Variants in SLC5A9 observed in about 807,000 individuals in gnomAD.
The protein encoded by SLC5A9 is sodium/glucose cotransporter 4.
SLC5A9 carries 59 observed loss-of-function variants against 70.9 expected under a neutral mutation model. The ratio of observed to expected loss-of-function variants is 0.83; its 90% CI spans 0.68 to 1.03. The LOEUF is 1.03. SLC5A9 is among the 50% of genes least tolerant of loss of function. SLC5A9 has a pLI of 0.00. For missense variants in SLC5A9, 832 were observed against 881.1 expected (o/e 0.94, Z 0.71); for synonymous variants, 340 against 346.5 (o/e 0.98, Z 0.21).
chr1:48,247,327 C>T lies in SLC5A9; in HGVS notation c.1838-8C>T, dbSNP rs1487369191. The T allele has an allele frequency of 6.2e-7, 1 of 1,612,874 alleles. No individual in the cohort carries two copies. Among genetic ancestry groups the T allele is most frequent in the Non-Finnish European group, 8.5e-7 (1 of 1,179,130 alleles). ...GCTCTCCTTTGTCTTCTGGCTTTGT[C>T]CCTCCAGCCCCAAGCAGGTCCTGGG... On this transcript the variant is annotated splice_region_variant and splice_polypyrimidine_tract_variant and intron_variant, in intron 13 of 13. Coordinates refer to ENST00000438567, the MANE Select transcript of SLC5A9 (RefSeq NM_001011547.3).
chr1:48,223,760 C>A (rs547906441), intron 1 of SLC5A9, among the ~76,000 whole-genome samples: 2 of 152,264 alleles, frequency 1.3e-5, no homozygotes, highest in East Asian at 3.9e-4. Flanking sequence ...ACAGTCCCTG[C>A]CTTCTAGTGC....
At chr1:48,225,547 C>T (rs1468145973) in intron 2 of SLC5A9, among the ~76,000 whole-genome samples, 2 of 152,128 alleles carry the variant, frequency 1.3e-5, no homozygotes, top group Non-Finnish European at 2.9e-5. Context: ...CCAGTAGAGT[C>T]ATCAGCCCCA....
intron 9 of SLC5A9, among the ~76,000 whole-genome samples, chr1:48,234,655 T>C (rs1644302290): frequency 6.6e-6 from 1 of 152,090 alleles, no homozygotes; most frequent in Non-Finnish European, 1.5e-5. Flanking sequence ...CTTATAATAA[T>C]ATTGAGATTA....
intron 7 of SLC5A9, 82 bp from the exon 8 acceptor site, chr1:48,232,285 C>A: frequency 6.4e-6 from 10 of 1,572,542 alleles, no homozygotes; most frequent in South Asian, 1.2e-5. Flanking sequence ...GGGACACAGT[C>A]ATGCCCAGTG....
chr1:48,227,686 A>T (rs1213604712), intron 2 of SLC5A9, among the ~76,000 whole-genome samples: 1 of 152,080 alleles, frequency 6.6e-6, no homozygotes, highest in Non-Finnish European at 1.5e-5. Flanking sequence ...GCATGTGCAC[A>T]TGTCAGAGGC....
At chr1:48,222,973 G>C in intron 1 of SLC5A9, 75 bp downstream of exon 1, 3 of 1,507,554 alleles carry the variant, frequency 2.0e-6, no homozygotes, top group Non-Finnish European at 2.7e-6. Context: ...CTGTGGAGCT[G>C]GGGCAGGGCT....
intron 8 of SLC5A9, 125 bp downstream of exon 8, chr1:48,232,627 AATAC>A: frequency 7.9e-7 from 1 of 1,273,686 alleles, no homozygotes; most frequent in Non-Finnish European, 1.1e-6. Context: ...GTCTATTAAG[AATAC>A]ATAGCCGGTC....
chr1:48,241,637 G>A (rs1412046644), intron 12 of SLC5A9, among the ~76,000 whole-genome samples: 2 of 152,088 alleles, frequency 1.3e-5, no homozygotes, highest in African/African-American at 4.8e-5. Flanking sequence ...CTCCTCACCT[G>A]AACATCTCCA....
At chr1:48,224,662 G>T in intron 1 of SLC5A9, 62 bp from the exon 2 acceptor site, 1 of 1,543,920 alleles carries the variant, frequency 6.5e-7, no homozygotes, top group Admixed American at 1.7e-5. Context: ...TCTGCGGGGA[G>T]GGGGCAGGGC....
chr1:48,231,703 G>T lies in SLC5A9; in HGVS notation c.691+78G>T. The T allele has an allele frequency of 1.9e-6, 3 of 1,568,522 alleles. No homozygotes were observed. The South Asian group carries it at 3.6e-5, about 19-fold the overall frequency. On this transcript the variant is annotated intron_variant, in intron 6 of 13. Coordinates refer to ENST00000438567, the MANE Select transcript of SLC5A9 (RefSeq NM_001011547.3). ...CCTGTCTCTGCCACCTCCACAGTTC[G>T]ATTGAAACTTTCCAGTGCATAGAGC...
chr1:48,224,909 C>G, intron 2 of SLC5A9, 114 bp downstream of exon 2: 1 of 1,051,096 alleles, frequency 9.5e-7, no homozygotes, highest in Admixed American at 1.9e-5. Context: ...AAGACCTCCC[C>G]GTTGTGTTTC....
chr1:48,237,208 G>A (rs1644338613), intron 10 of SLC5A9, among the ~76,000 whole-genome samples: 1 of 152,012 alleles, frequency 6.6e-6, no homozygotes, highest in Non-Finnish European at 1.5e-5. Flanking sequence ...TCTTTCCCAA[G>A]ATCAATGCCA....
chr1:48,244,731 A>ATT (rs1644431063), intron 13 of SLC5A9, among the ~76,000 whole-genome samples: 2 of 30,070 alleles, frequency 6.7e-5, no homozygotes, highest in African/African-American at 8.6e-5. Flanking sequence ...TATATAAAAT[A>ATT]TATAATATAT....
At chr1:48,244,929 G>C (rs1256803938) in intron 13 of SLC5A9, among the ~76,000 whole-genome samples, 1 of 81,728 alleles carries the variant, frequency 1.2e-5, no homozygotes, top group African/African-American at 4.1e-5. Flanking sequence ...GTCTCAGAAG[G>C]TTGCCAAGGG....
At chr1:48,229,632 A>G (rs1644219839) in intron 4 of SLC5A9, 173 bp downstream of exon 4, 5 of 971,952 alleles carry the variant, frequency 5.1e-6, no homozygotes, top group Non-Finnish European at 1.5e-6. Context: ...GGGTACTCAG[A>G]GATGAATGAT....
chr1:48,235,927 G>A, intron 10 of SLC5A9, 48 bp downstream of exon 10: 1 of 1,610,946 alleles, frequency 6.2e-7, no homozygotes, highest in Non-Finnish European at 8.5e-7. Flanking sequence ...TCTCCCCTCT[G>A]CCCTGCCCTG....
At position 48,235,843 on chromosome 1, in the gene SLC5A9, G is replaced by A. The variant is rs1348367913; in HGVS notation, c.1256G>A (p.Arg419Lys). ...FTIDVWQRFR[R>K]KSTEQELMVV... ...ATTGATGTGTGGCAGCGCTTCCGCA[G>A]GAAGTCAACAGAGCAGGAGCTGATG... Residue 419 changes from arginine to lysine, a missense_variant, in exon 10 of 14, where the codon AGG becomes AAG. By Grantham distance (26) the Arg-to-Lys change is conservative. Transcript: ENST00000438567. The A allele has an allele frequency of 6.2e-7, 1 of 1,614,212 alleles. No homozygotes were observed. Among genetic ancestry groups the A allele is most frequent in the Admixed American group, 1.7e-5 (1 of 60,034 alleles).
intron 9 of SLC5A9, 124 bp downstream of exon 9, chr1:48,233,886 C>A (rs775166685): frequency 2.0e-5 from 14 of 706,536 alleles, no homozygotes; most frequent in Non-Finnish European, 3.3e-5. Flanking sequence ...CCTCTGCACC[C>A]CCATCCCAAC....
Position 48,239,444 on chromosome 1 carries a change from C to T in SLC5A9, c.1584C>T (p.Phe528=). ...VDRRPAVLKD[F]HYLYFAILLC... is the part of the protein sequence containing the mutation. ...GGAGGCCAGCAGTGCTGAAGGACTT[C>T]CACTACCTGTACTTTGCAATCCTCC... Residue 528 remains phenylalanine, a synonymous_variant, in exon 12 of 14, where the codon TTC becomes TTT. Transcript: ENST00000438567. This position sits in a 1 kb window ranked among gnomAD's most constrained non-coding sequence, Gnocchi z 4.2. 1 of 1,614,194 alleles carries T rather than the reference C, an allele frequency of 6.2e-7. No homozygotes were observed. Among genetic ancestry groups the T allele is most frequent in the Non-Finnish European group, 8.5e-7 (1 of 1,180,030 alleles).
Sources: gnomAD v4.1 joint callset for allele counts (sites outside exome capture counted in the v4.1 genomes callset) on GRCh38, gnomAD v4.1.1 for gene constraint, Gnocchi (gnomAD v3.1) non-coding constraint, MANE v1.5 for transcripts, NCBI Gene and HGNC (gene_info 2026-07-23, HGNC 2026-07-21) for gene names.